The following AHRR variants were observed in gnomAD, a reference collection of about 807,000 sequenced individuals.
AHRR encodes the protein aryl hydrocarbon receptor repressor.
AHRR carries 28 observed loss-of-function variants against 44.0 expected under a neutral mutation model. That is an observed-to-expected ratio of 0.64 (90% CI 0.47 to 0.87). The LOEUF (loss-of-function observed/expected upper bound fraction) is 0.87, where lower values mean the gene tolerates loss of function less well. Ranked by LOEUF, AHRR falls within the 40% of genes least tolerant of loss-of-function variation. AHRR has a pLI of 0.00. For missense variants in AHRR, 990 were observed against 953.9 expected (o/e 1.04, Z -0.50); for synonymous variants, 434 against 407.0 (o/e 1.07, Z -0.80).
intron 5 of AHRR, among the ~76,000 whole-genome samples, chr5:415,648 C>CCGAGTCTGCCTGGTCTGCT (rs1560916386): frequency 9.5e-6 from 1 of 105,208 alleles, no homozygotes; most frequent in Non-Finnish European, 2.1e-5. Context: ...CCTGGTGGGG[C>CCGAGTCTGCCTGGTCTGCT]GGGAGGCCTA....
At chr5:421,462 A>C (rs1736115884) in intron 5 of AHRR, 1 of 511,668 alleles carries the variant, frequency 2.0e-6, no homozygotes, top group Admixed American at 3.8e-5. Flanking sequence ...CTGTGGCCTC[A>C]TCTGGGTGGG....
At position 337,192 on chromosome 5, in the gene AHRR, T is replaced by C. The variant is rs1742169528; in HGVS notation, c.-10-6701T>C. Among the ~76,000 whole-genome samples, 1 of 152,128 alleles carries C rather than the reference T, an allele frequency of 6.6e-6. No individual in the cohort carries two copies. The highest frequency in any genetic ancestry group is 2.4e-5 in the African/African-American group (1 of 41,418). On this transcript the variant is annotated intron_variant, in intron 1 of 10. Transcript: ENST00000684583. The surrounding 1 kb of genome is among the most constrained non-coding windows in gnomAD (Gnocchi z 4.1). ...ATCAGCTAGCATAGGTAATCAACTA[T>C]CAATATTGGCTGATCCAGTTTCATT...
chr5:392,750 G>A (rs1322734475), intron 4 of AHRR, among the ~76,000 whole-genome samples: 1 of 152,172 alleles, frequency 6.6e-6, no homozygotes, highest in Admixed American at 6.5e-5. Flanking sequence ...TTCAGACCTG[G>A]CTCATTTCAC....
intron 3 of AHRR, among the ~76,000 whole-genome samples, chr5:356,317 A>G (rs1185954869): frequency 1.3e-5 from 2 of 152,198 alleles, no homozygotes; most frequent in Admixed American, 1.3e-4. Flanking sequence ...CCCTGGTCAC[A>G]GCCTGGGACG....
At chr5:334,738 T>C (rs983621731) in intron 1 of AHRR, among the ~76,000 whole-genome samples, 2 of 152,134 alleles carry the variant, frequency 1.3e-5, no homozygotes, top group African/African-American at 4.8e-5. Flanking sequence ...ATTGTGTTTC[T>C]CTGGGATTGT....
At chr5:426,248 AGATG>A (rs750723893) in intron 7 of AHRR, among the ~76,000 whole-genome samples, 62 of 152,212 alleles carry the variant, frequency 4.1e-4, no homozygotes, top group African/African-American at 7.9e-4. Context: ...ATAGATGGGA[AGATG>A]GATGGATGGA....
chr5:377,164 A>T (rs1186117334), intron 4 of AHRR, among the ~76,000 whole-genome samples: 2 of 151,976 alleles, frequency 1.3e-5, no homozygotes, highest in Admixed American at 1.3e-4. Flanking sequence ...CTGGGCAGGA[A>T]GCTCTGTGGT....
chr5:376,595 T>C lies in AHRR; in HGVS notation c.245-15T>C, dbSNP rs746976255. The C allele has an allele frequency of 4.3e-5, 40 of 925,842 alleles. No individual in the cohort carries two copies. Among genetic ancestry groups the C allele is most frequent in the East Asian group, 9.2e-5 (1 of 10,856 alleles). 57.4% of individuals were successfully genotyped at this position (925,842 alleles called of 1,614,324 possible). ...AGGGTTGGGGGTGCCTAATGTGTCT[T>C]TTCTTCTCTGACAGTCGTGCAGGAG... On this transcript the variant is annotated splice_polypyrimidine_tract_variant and intron_variant, in intron 3 of 10. Coordinates refer to ENST00000684583, the MANE Select transcript of AHRR (RefSeq NM_001377236.1).
rs1169700244 is a variant in AHRR, at chr5:434,875, C to A, written c.*41C>A. On this transcript the variant is annotated 3_prime_UTR_variant, in exon 11 of 11. Transcript: ENST00000684583. The stretch of plus-strand genomic sequence containing the variant: ...CCAAGCTCAGATCTGTGTGTCTACG[C>A]TCAGATGCGTCGGTGGCTGGGCTGC... 62 of 1,505,856 alleles carry A rather than the reference C, an allele frequency of 4.1e-5. No homozygotes were observed. The highest frequency in any genetic ancestry group is 5.3e-5 in the Non-Finnish European group (59 of 1,120,788). 93.3% of individuals were successfully genotyped at this position (1,505,856 alleles called of 1,614,324 possible). A position where few individuals can be genotyped will look rare whatever the true frequency, so the allele number is the denominator to read the frequency against.
intron 1 of AHRR, among the ~76,000 whole-genome samples, chr5:322,835 C>G (rs1217344772): frequency 6.6e-6 from 1 of 152,238 alleles, no homozygotes; most frequent in Non-Finnish European, 1.5e-5. Flanking sequence ...CGGACGCCGC[C>G]GCCTGGGGAG....
intron 3 of AHRR, among the ~76,000 whole-genome samples, chr5:355,959 T>C (rs1320387733): frequency 6.6e-6 from 1 of 152,274 alleles, no homozygotes; most frequent in East Asian, 1.9e-4. Context: ...TTTCCACGTA[T>C]AATTAGAAAC....
In AHRR at chr5:387,629, C is replaced by T. The variant is rs1302337250; in HGVS notation, c.351+10913C>T. On this transcript the variant is annotated intron_variant, in intron 4 of 10. Coordinates refer to ENST00000684583, the MANE Select transcript of AHRR (RefSeq NM_001377236.1). The surrounding 1 kb of genome is among the most constrained non-coding windows in gnomAD (Gnocchi z 5.1). ...GGAGGTCCTGGGACAGGGGCCTGAC[C>T]TCCTCAGCCTCTTCTGTGGCTTCTG... 6.6e-6 allele frequency among the ~76,000 whole-genome samples: 1 copy of T among 152,250 alleles called. No individual in the cohort carries two copies. The highest frequency in any genetic ancestry group is 1.5e-5 in the Non-Finnish European group (1 of 68,050).
At chr5:381,964 C>T (rs1734003924) in intron 4 of AHRR, among the ~76,000 whole-genome samples, 1 of 152,106 alleles carries the variant, frequency 6.6e-6, no homozygotes, top group African/African-American at 2.4e-5. Context: ...GGTTTTTCTT[C>T]TTTAGACTGT....
chr5:335,402 G>A (rs1037173492), intron 1 of AHRR, among the ~76,000 whole-genome samples: 2 of 151,910 alleles, frequency 1.3e-5, no homozygotes, highest in African/African-American at 4.9e-5. Context: ...TGCCAGCTGA[G>A]GTGGTAGTGG....
intron 4 of AHRR, among the ~76,000 whole-genome samples, chr5:397,254 A>ATCCATGTTAGCCCCTGACCG (rs1734761697): frequency 1.4e-5 from 1 of 70,762 alleles, no homozygotes; most frequent in African/African-American, 1.1e-4. Context: ...GCCCCTGACC[A>ATCCATGTTAGCCCCTGACCG]TCCACGTAGC....
At chr5:403,633 G>A (rs1181550984) in intron 4 of AHRR, 21 of 430,080 alleles carry the variant, frequency 4.9e-5, no homozygotes, top group African/African-American at 3.2e-4. Flanking sequence ...ATGAGACTCC[G>A]TTTCAGAAAA....
chr5:434,622 T>C lies in AHRR; in HGVS notation c.1882T>C (p.Ser628Pro). The C allele has an allele frequency of 6.4e-7, 1 of 1,562,308 alleles. No individual in the cohort carries two copies. Among genetic ancestry groups the C allele is most frequent in the Non-Finnish European group, 8.7e-7 (1 of 1,153,440 alleles). The change falls in exon 11 of 11, where the codon TCG becomes CCG. Residue 628 changes from serine to proline, a missense_variant. By Grantham distance (74) the Ser-to-Pro change is moderately conservative. Transcript: ENST00000684583. ...CLEPTDGLPQ[S>P]EPPHQLCARG... is the part of the protein sequence containing the mutation. ...GGAGCCCACAGACGGCCTTCCCCAG[T>C]CGGAGCCTCCCCACCAGCTCTGTGC...
chr5:401,995 G>A (rs920836356), intron 4 of AHRR, among the ~76,000 whole-genome samples: 1 of 152,146 alleles, frequency 6.6e-6, no homozygotes, highest in Non-Finnish European at 1.5e-5. Context: ...AAAGGAAACC[G>A]TCAACACAAT....
At chr5:426,998 A>G (rs1401576535) in intron 7 of AHRR, among the ~76,000 whole-genome samples, 2 of 131,944 alleles carry the variant, frequency 1.5e-5, no homozygotes, top group Admixed American at 1.5e-4. Context: ...GTGGATGTGA[A>G]GATGGATGGG....
Sources: gnomAD v4.1 joint callset for allele counts (sites outside exome capture counted in the v4.1 genomes callset) on GRCh38, gnomAD v4.1.1 for gene constraint, Gnocchi (gnomAD v3.1) non-coding constraint, MANE v1.5 for transcripts, NCBI Gene and HGNC (gene_info 2026-07-23, HGNC 2026-07-21) for gene names.